Variants in ONECUT1 observed in about 807,000 individuals in gnomAD.
The protein encoded by ONECUT1 is hepatocyte nuclear factor 6.
In ONECUT1, 12 loss-of-function variants were observed where a neutral mutation model predicts 25.6. The observed-to-expected ratio is 0.47, with a 90% CI of 0.30 to 0.76. The LOEUF is 0.76. ONECUT1 is among the 30% of genes least tolerant of loss of function. The probability of loss-of-function intolerance (pLI) is 0.07; values close to 1 mark genes in which losing one functional copy is unlikely to be tolerated. For missense variants in ONECUT1, 620 were observed against 651.2 expected, an observed-to-expected ratio of 0.95 and a Z score of 0.52; for synonymous variants, 285 against 270.2, an observed-to-expected ratio of 1.05 and a Z score of -0.54.
Position 52,788,696 on chromosome 15 carries a change from C to T in ONECUT1, c.1105+84G>A, listed in dbSNP as rs2083893103. On this transcript the variant is annotated intron_variant, in intron 1 of 1. Coordinates refer to ENST00000305901, the MANE Select transcript of ONECUT1 (RefSeq NM_004498.4). This position sits in a 1 kb window ranked among gnomAD's most constrained non-coding sequence, Gnocchi z 4.3. ...GGCGGGCGGGATGAAGCGCACCCAGCCCTCTCTCCTACCCTTCCTCCTTTG... is the reference window on the plus strand; with the variant it reads ...GGCGGGCGGGATGAAGCGCACCCAGTCCTCTCTCCTACCCTTCCTCCTTTG... 2.1e-6 allele frequency: 3 copies of T among 1,441,110 alleles called. No homozygotes were observed. The highest frequency in any genetic ancestry group is 2.8e-6 in the Non-Finnish European group (3 of 1,064,568). The allele number at this position is 1,441,110 out of a possible 1,614,324, so 89.3% of individuals were successfully genotyped here.
In ONECUT1 at chr15:52,756,782, A is replaced by G. The variant is rs2083675786; in HGVS notation, c.*773T>C. On this transcript the variant is annotated 3_prime_UTR_variant, in exon 2 of 2. Transcript: ENST00000305901. The stretch of plus-strand genomic sequence containing the variant: ...GATCAGTTCATACGTATAACTTTTC[A>G]TAGTATCTTGTGTAAAAATAGCTTT... 6.6e-6 allele frequency among the ~76,000 whole-genome samples: 1 copy of G among 152,192 alleles called. No homozygotes were observed. Among genetic ancestry groups the G allele is most frequent in the Non-Finnish European group, 1.5e-5 (1 of 68,028 alleles).
intron 1 of ONECUT1, among the ~76,000 whole-genome samples, chr15:52,777,768 C>T (rs1476025938): frequency 6.8e-6 from 1 of 147,270 alleles, no homozygotes; most frequent in African/African-American, 2.6e-5. Context: ...TTGTTCTCTT[C>T]CCTGCTAGAC....
rs2083682154 is a variant in ONECUT1, at chr15:52,757,740, T to C, written c.1213A>G (p.Lys405Glu). Residue 405 changes from lysine (K) to glutamate (E), a missense_variant, in exon 2 of 2, where the codon AAG (lysine) becomes GAG (glutamate). Physicochemically the swap from Lys to Glu is moderately conservative, Grantham distance 56. Around this residue, in one of 4 missense-constraint regions of ONECUT1, gnomAD observed 146 missense variants for 201.8 expected, o/e 0.72. Transcript: ENST00000305901. Reference sequence around the variant, plus strand: ...TCTTTGGATGGACGCTTATTTTCCTTGAATATTGCATGTAGAGTTCGACGC... The same window carrying C: ...TCTTTGGATGGACGCTTATTTTCCTCGAATATTGCATGTAGAGTTCGACGC... ...VQRRTLHAIF[K>E]ENKRPSKELQ... is the part of the protein sequence containing the mutation. 3 of 1,614,186 alleles carry C rather than the reference T, an allele frequency of 1.9e-6. No homozygotes were observed. The highest frequency in any genetic ancestry group is 2.5e-6 in the Non-Finnish European group (3 of 1,180,026).
intron 1 of ONECUT1, among the ~76,000 whole-genome samples, chr15:52,764,434 C>A (rs937079205): frequency 8.5e-5 from 13 of 152,150 alleles, no homozygotes; most frequent in African/African-American, 3.1e-4. Flanking sequence ...CCATCGTATT[C>A]CATTTTGCAG....
chr15:52,776,213 G>A (rs1441798740), intron 1 of ONECUT1, among the ~76,000 whole-genome samples: 2 of 152,218 alleles, frequency 1.3e-5, no homozygotes, highest in Non-Finnish European at 2.9e-5. Context: ...CTGTACAGAA[G>A]CCAGAGAGCC....
chr15:52,789,026 C>T lies in ONECUT1; in HGVS notation c.859G>A (p.Gly287Arg). ...TTGGTATTGATCTCTTCCATCTGCCCTGAATTACTTCCATTGCTGACCTGC... is the reference window on the plus strand; with the variant it reads ...TTGGTATTGATCTCTTCCATCTGCCTTGAATTACTTCCATTGCTGACCTGC... ...GAQVSNGSNS[G>R]QMEEINTKEV... The change falls in exon 1 of 2, where the codon GGG becomes AGG. Residue 287 changes from glycine (G) to arginine (R), a missense_variant. Coordinates refer to ENST00000305901, the MANE Select transcript of ONECUT1 (RefSeq NM_004498.4). This position sits in a 1 kb window ranked among gnomAD's most constrained non-coding sequence, Gnocchi z 4.1. 1 of 1,607,276 alleles carries T rather than the reference C, an allele frequency of 6.2e-7. No homozygotes were observed. Among genetic ancestry groups the T allele is most frequent in the African/African-American group, 1.3e-5 (1 of 75,060 alleles).
At chr15:52,774,875 A>T (rs1287633305) in intron 1 of ONECUT1, among the ~76,000 whole-genome samples, 1 of 152,220 alleles carries the variant, frequency 6.6e-6, no homozygotes, top group East Asian at 1.9e-4. Context: ...TGTATGGTAG[A>T]TATAATGTTT....
intron 1 of ONECUT1, among the ~76,000 whole-genome samples, chr15:52,762,965 G>A (rs1300290266): frequency 1.3e-5 from 2 of 152,106 alleles, no homozygotes; most frequent in African/African-American, 4.8e-5. Context: ...CGACAGGAAT[G>A]TGCAAGATAG....
Position 52,757,464 on chromosome 15 carries a change from G to T in ONECUT1, c.*91C>A. The T allele has an allele frequency of 7.5e-7, 1 of 1,340,502 alleles. No homozygotes were observed. Among genetic ancestry groups the T allele is most frequent in the Non-Finnish European group, 1.0e-6 (1 of 975,174 alleles). 83.0% of individuals were successfully genotyped at this position (1,340,502 alleles called of 1,614,324 possible). A position where few individuals can be genotyped will look rare whatever the true frequency, so the allele number is the denominator to read the frequency against. On this transcript the variant is annotated 3_prime_UTR_variant, in exon 2 of 2. Coordinates refer to ENST00000305901, the MANE Select transcript of ONECUT1 (RefSeq NM_004498.4). ...CTTTTTTTTCTTCAAATATTTCTAA[G>T]TATAAACCTGCTATCTTGAGGTCCT... is the stretch of plus-strand genomic sequence containing the variant.
In ONECUT1 at chr15:52,787,452, A is replaced by T. The variant is rs866442952; in HGVS notation, c.1105+1328T>A. Among the ~76,000 whole-genome samples, 64 of 152,106 alleles carry T rather than the reference A, an allele frequency of 4.2e-4. No homozygotes were observed. The Middle Eastern group carries it at 0.01, about 24-fold the overall frequency. ...GAGGGGGCTTTGGCCTCACGCTTTG[A>T]TTTTAGACTGTGAAACGGCTCAGTG... On this transcript the variant is annotated intron_variant, in intron 1 of 1. Coordinates refer to ENST00000305901, the MANE Select transcript of ONECUT1 (RefSeq NM_004498.4).
In ONECUT1 at chr15:52,789,344, G is replaced by A; in HGVS notation, c.541C>T (p.Pro181Ser). The A allele has an allele frequency of 1.3e-6, 2 of 1,596,520 alleles. No individual in the cohort carries two copies. Among genetic ancestry groups the A allele is most frequent in the Non-Finnish European group, 1.7e-6 (2 of 1,169,520 alleles). The change falls in exon 1 of 2, where the codon CCC becomes TCC. Residue 181 changes from proline (P) to serine (S), a missense_variant. Around this residue, in one of 4 missense-constraint regions of ONECUT1, gnomAD observed 440 missense variants for 404.9 expected, o/e 1.09. Coordinates refer to ENST00000305901, the MANE Select transcript of ONECUT1 (RefSeq NM_004498.4). This position sits in a 1 kb window ranked among gnomAD's most constrained non-coding sequence, Gnocchi z 4.1. ...DVAGMGQSLS[P>S]LSSSGLGSIH... ...CTGCCCAGACCGGAGCTGGAGAGGG[G>A]CGAGAGGCTCTGGCCCATGCCGGCC...
rs771207868 is a variant in ONECUT1, at chr15:52,789,492, G to C, written c.393C>G (p.His131Gln). Residue 131 changes from histidine (H) to glutamine (Q), a missense_variant, in exon 1 of 2, where the codon CAC (histidine) becomes CAG (glutamine). Transcript: ENST00000305901. The surrounding 1 kb of genome is among the most constrained non-coding windows in gnomAD (Gnocchi z 4.1). ...GCTGGTGGTGGTGCGGGTGGTGGTG[G>C]TGATGGTGGTGGTGGTGATGGTGGG... ...KFPHHHHHHH[H>Q]HHHPHHHQRL... 2 of 1,612,348 alleles carry C rather than the reference G, an allele frequency of 1.2e-6. No individual in the cohort carries two copies. The highest frequency in any genetic ancestry group is 2.7e-5 in the African/African-American group (2 of 74,880).
chr15:52,767,041 G>C (rs1184674030), intron 1 of ONECUT1, among the ~76,000 whole-genome samples: 1 of 152,098 alleles, frequency 6.6e-6, no homozygotes, highest in East Asian at 1.9e-4. Flanking sequence ...CACCTTACCA[G>C]GCCTCACAAT....
rs551360684 is a variant in ONECUT1 at position 52,784,588 on chromosome 15, C to T, written c.1105+4192G>A. 2.5e-4 allele frequency among the ~76,000 whole-genome samples: 38 copies of T among 152,358 alleles called. No homozygotes were observed. The highest frequency in any genetic ancestry group is 3.1e-4 in the Non-Finnish European group (21 of 68,034). On this transcript the variant is annotated intron_variant, in intron 1 of 1. Transcript: ENST00000305901. The surrounding 1 kb of genome is among the most constrained non-coding windows in gnomAD (Gnocchi z 5.0). ...TTCTTATCCCCAAGCGCACCTCCCT[C>T]TCCTCACCCGGGTTTATGCCCGTTA...
intron 1 of ONECUT1, among the ~76,000 whole-genome samples, chr15:52,777,773 C>T (rs1045238980): frequency 6.7e-6 from 1 of 148,914 alleles, no homozygotes; most frequent in Non-Finnish European, 1.5e-5. Flanking sequence ...CTCTTCCCTG[C>T]TAGACTGTGA....
At chr15:52,785,010 A>G (rs1169237887) in intron 1 of ONECUT1, among the ~76,000 whole-genome samples, 1 of 152,198 alleles carries the variant, frequency 6.6e-6, no homozygotes, top group Non-Finnish European at 1.5e-5. Flanking sequence ...GCGAAGCGCG[A>G]GGAAACCGCT....
intron 1 of ONECUT1, among the ~76,000 whole-genome samples, chr15:52,776,386 A>G (rs1178585163): frequency 6.8e-6 from 1 of 147,274 alleles, no homozygotes; most frequent in Non-Finnish European, 1.5e-5. Context: ...ACTCTCCACC[A>G]TGTCTACTCG....
At chr15:52,779,620 A>T (rs1264914431) in intron 1 of ONECUT1, among the ~76,000 whole-genome samples, 2 of 152,164 alleles carry the variant, frequency 1.3e-5, no homozygotes, top group African/African-American at 4.8e-5. Context: ...CATACCCACC[A>T]GGCAAATACT....
intron 1 of ONECUT1, among the ~76,000 whole-genome samples, chr15:52,767,870 A>C (rs2083743990): frequency 1.3e-5 from 2 of 152,212 alleles, no homozygotes; most frequent in Admixed American, 1.3e-4. Context: ...AAAAAGAATG[A>C]AATCTTGTCA....
Sources: allele counts gnomAD v4.1 joint callset (sites outside exome capture counted in the v4.1 genomes callset), GRCh38; gene constraint gnomAD v4.1.1; regional missense constraint gnomAD v4.1.1; non-coding constraint Gnocchi (gnomAD v3.1); transcripts MANE v1.5; gene names NCBI Gene and HGNC (gene_info 2026-07-23, HGNC 2026-07-21).